Variants in GRIK4 observed in about 807,000 individuals in gnomAD.
The protein encoded by GRIK4 is glutamate ionotropic receptor kainate type subunit 4, also known as glutamate receptor ionotropic, kainate 4.
A neutral mutation model predicts 104.9 loss-of-function variants in GRIK4; 40 were observed. The ratio of observed to expected loss-of-function variants is 0.38; its 90% CI spans 0.30 to 0.50. GRIK4 has a LOEUF of 0.50. Among genes scored for constraint, GRIK4 ranks in the 20% least tolerant of loss-of-function variants. The pLI, the probability that GRIK4 is intolerant of heterozygous loss-of-function variation, is 0.93. For missense variants in GRIK4, 1,047 were observed against 1,308.1 expected, an observed-to-expected ratio of 0.80 and a Z score of 3.08; for synonymous variants, 485 against 524.9, an observed-to-expected ratio of 0.92 and a Z score of 1.04.
intron 1 of GRIK4, among the ~76,000 whole-genome samples, chr11:120,515,634 G>C (rs1947716367): frequency 6.6e-6 from 1 of 152,212 alleles, no homozygotes; most frequent in Non-Finnish European, 1.5e-5. Context: ...GCCTTTGCCT[G>C]ACACCTTTTC....
intron 1 of GRIK4, among the ~76,000 whole-genome samples, chr11:120,521,855 T>A (rs1314600436): frequency 6.6e-6 from 1 of 152,098 alleles, no homozygotes; most frequent in Non-Finnish European, 1.5e-5. Context: ...CTCCCGCGGG[T>A]GGTTATCCTG....
intron 3 of GRIK4, among the ~76,000 whole-genome samples, chr11:120,672,861 T>G (rs1950043240): frequency 6.6e-6 from 1 of 152,232 alleles, no homozygotes; most frequent in Non-Finnish European, 1.5e-5. Context: ...TATAATCATG[T>G]CATCTGCAAA....
intron 1 of GRIK4, among the ~76,000 whole-genome samples, chr11:120,598,257 G>A (rs1005209081): frequency 5.3e-5 from 8 of 152,180 alleles, no homozygotes; most frequent in Admixed American, 3.9e-4. Context: ...CTTTCTCACA[G>A]CAGCGTTATG....
chr11:120,842,582 C>T (rs546421762), intron 8 of GRIK4, among the ~76,000 whole-genome samples: 1 of 152,346 alleles, frequency 6.6e-6, no homozygotes, highest in African/African-American at 2.4e-5. Flanking sequence ...CAAGCCCTGG[C>T]TTGTCTTTTT....
At chr11:120,579,215 C>A (rs1035586529) in intron 1 of GRIK4, among the ~76,000 whole-genome samples, 2 of 143,564 alleles carry the variant, frequency 1.4e-5, no homozygotes, top group African/African-American at 5.0e-5. Context: ...TGACAGCACA[C>A]GACAAAATAA....
At chr11:120,696,180 A>G (rs1018484213) in intron 3 of GRIK4, among the ~76,000 whole-genome samples, 54 of 152,210 alleles carry the variant, frequency 3.5e-4, no homozygotes, top group Non-Finnish European at 4.6e-4. Context: ...GCAGCCCTGT[A>G]GATGCTGCAG....
At chr11:120,612,037 C>A in intron 1 of GRIK4, among the ~76,000 whole-genome samples, 1 of 152,194 alleles carries the variant, frequency 6.6e-6, no homozygotes, top group South Asian at 2.1e-4. Context: ...CTGCTGCTTC[C>A]ACAAAGCCTT....
intron 16 of GRIK4, among the ~76,000 whole-genome samples, chr11:120,957,822 G>A (rs1447042345): frequency 6.6e-6 from 1 of 152,210 alleles, no homozygotes; most frequent in African/African-American, 2.4e-5. Flanking sequence ...GGTCTGGACA[G>A]AATTACTGGA....
At chr11:120,728,634 CA>C in intron 3 of GRIK4, among the ~76,000 whole-genome samples, 1 of 151,974 alleles carries the variant, frequency 6.6e-6, no homozygotes, top group Non-Finnish European at 1.5e-5. Context: ...TTTGTGGGTA[CA>C]TAGTAGGTGT....
intron 3 of GRIK4, among the ~76,000 whole-genome samples, chr11:120,737,564 C>T (rs956678673): frequency 2.6e-5 from 4 of 151,452 alleles, no homozygotes; most frequent in South Asian, 4.2e-4. Context: ...ATTGGGCAAA[C>T]GAACAAATAA....
intron 1 of GRIK4, among the ~76,000 whole-genome samples, chr11:120,633,455 C>T (rs1027163558): frequency 1.3e-5 from 2 of 152,174 alleles, no homozygotes; most frequent in African/African-American, 2.4e-5. Context: ...TGTGTGTGCT[C>T]GCATGCACCT....
chr11:120,612,846 C>G (rs1949055307), intron 1 of GRIK4, among the ~76,000 whole-genome samples: 1 of 152,166 alleles, frequency 6.6e-6, no homozygotes, highest in African/African-American at 2.4e-5. Context: ...TACCAGAGCT[C>G]TGAGCTTCCA....
At chr11:120,884,797 C>G (rs1466560565) in intron 11 of GRIK4, among the ~76,000 whole-genome samples, 2 of 152,270 alleles carry the variant, frequency 1.3e-5, no homozygotes, top group Non-Finnish European at 2.9e-5. Context: ...CTGCAAGGCC[C>G]GGGCACATGC....
chr11:120,619,972 C>A, intron 1 of GRIK4: 1 of 460,238 alleles, frequency 2.2e-6, no homozygotes, highest in Non-Finnish European at 4.0e-6. Context: ...AGTTCTAGTG[C>A]AGTTTCAGTG....
chr11:120,866,652 A>AT (rs1954423323), intron 9 of GRIK4, among the ~76,000 whole-genome samples: 1 of 152,018 alleles, frequency 6.6e-6, no homozygotes, highest in Non-Finnish European at 1.5e-5. Flanking sequence ...AAGAGTAAAG[A>AT]TGGGCTGAGC....
At chr11:120,857,506 A>G (rs1207253709) in intron 8 of GRIK4, among the ~76,000 whole-genome samples, 5 of 6,096 alleles carry the variant, frequency 8.2e-4, no homozygotes, top group East Asian at 5.2e-3. Context: ...ACACATGCAC[A>G]CACACACACA....
intron 11 of GRIK4, chr11:120,894,538 T>A (rs560689007): frequency 5.9e-5 from 9 of 152,328 alleles, no homozygotes; most frequent in African/African-American, 1.9e-4. Context: ...ATCCATACCT[T>A]CTCCTCCTTC....
chr11:120,567,836 C>T (rs1402496891), intron 1 of GRIK4, among the ~76,000 whole-genome samples: 3 of 152,266 alleles, frequency 2.0e-5, no homozygotes, highest in Non-Finnish European at 4.4e-5. Context: ...TCCCCTTCTC[C>T]AAGGCAGGTA....
intron 11 of GRIK4, among the ~76,000 whole-genome samples, chr11:120,892,794 C>T (rs1466149473): frequency 6.6e-6 from 1 of 152,188 alleles, no homozygotes; most frequent in Admixed American, 6.5e-5. Context: ...CTACTGATGC[C>T]ACGGAACCAT....
Sources: gnomAD v4.1 joint callset for allele counts (sites outside exome capture counted in the v4.1 genomes callset) on GRCh38, gnomAD v4.1.1 for gene constraint, MANE v1.5 for transcripts, NCBI Gene and HGNC (gene_info 2026-07-23, HGNC 2026-07-21) for gene names.